The following NRXN1 variants were observed in gnomAD, a reference collection of about 807,000 sequenced individuals.
The protein encoded by NRXN1 is neurexin 1.
In NRXN1, 39 loss-of-function variants were observed where a neutral mutation model predicts 150.9. That is an observed-to-expected ratio of 0.26 (90% CI 0.20 to 0.34). The LOEUF is 0.34. NRXN1 is among the 10% of genes least tolerant of loss of function. The pLI, the probability that NRXN1 is intolerant of heterozygous loss-of-function variation, is 1.00. For synonymous variants in NRXN1, 924 were observed against 757.0 expected (o/e 1.22, Z -3.62); for missense variants, 1,815 against 1,949.9 (o/e 0.93, Z 1.30).
chr2:50,342,123 C>T (rs2077592100), intron 17 of NRXN1, among the ~76,000 whole-genome samples: 2 of 152,182 alleles, frequency 1.3e-5, no homozygotes, highest in African/African-American at 4.8e-5. Context: ...AATACAAACA[C>T]ATGCTCATAG....
intron 5 of NRXN1, among the ~76,000 whole-genome samples, chr2:50,803,300 ATGT>A (rs990831181): frequency 3.3e-5 from 5 of 152,306 alleles, no homozygotes; most frequent in East Asian, 1.9e-4. Flanking sequence ...TTTTCAGAAA[ATGT>A]TGTTGATATA....
chr2:50,389,612 C>G, intron 17 of NRXN1, among the ~76,000 whole-genome samples: 1 of 151,990 alleles, frequency 6.6e-6, no homozygotes, highest in Admixed American at 6.6e-5. Context: ...TTATTTCTTT[C>G]AGTTCCCAAA....
At chr2:50,327,159 A>G (rs1020028292) in intron 17 of NRXN1, among the ~76,000 whole-genome samples, 2 of 152,260 alleles carry the variant, frequency 1.3e-5, no homozygotes, top group Non-Finnish European at 2.9e-5. Context: ...CCACATGAGA[A>G]TAAATAATCA....
chr2:49,924,911 C>A (rs758348634), intron 22 of NRXN1, among the ~76,000 whole-genome samples: 60 of 152,246 alleles, frequency 3.9e-4, no homozygotes, highest in Non-Finnish European at 6.6e-4. Flanking sequence ...CAATATCTAA[C>A]TGATTAATTA....
chr2:50,671,813 T>A (rs1688894389), intron 5 of NRXN1, among the ~76,000 whole-genome samples: 1 of 152,002 alleles, frequency 6.6e-6, no homozygotes, highest in South Asian at 2.1e-4. Flanking sequence ...AAGTATATAA[T>A]AGTTGTAACT....
chr2:50,354,568 T>TAC (rs1311173993), intron 17 of NRXN1, among the ~76,000 whole-genome samples: 7 of 141,780 alleles, frequency 4.9e-5, no homozygotes, highest in Non-Finnish European at 1.1e-4. Flanking sequence ...TATATATATA[T>TAC]ATATATATAT....
intron 2 of NRXN1, among the ~76,000 whole-genome samples, chr2:50,978,271 CATATATAT>C (rs10671122): frequency 0.24 from 22,651 of 94,910 alleles, 2,997 homozygotes; most frequent in East Asian, 0.31. Flanking sequence ...GGATATTATA[CATATATAT>C]ATATATATAT....
At chr2:51,004,289 A>C (rs1700431588) in intron 2 of NRXN1, among the ~76,000 whole-genome samples, 1 of 151,996 alleles carries the variant, frequency 6.6e-6, no homozygotes, top group Non-Finnish European at 1.5e-5. Context: ...AAATGTGCAG[A>C]GCCTAAAACA....
At chr2:50,163,340 A>G (rs78707398) in intron 18 of NRXN1, among the ~76,000 whole-genome samples, 2,111 of 152,134 alleles carry the variant, frequency 0.014, 21 homozygotes, top group Middle Eastern at 0.031. Context: ...CAAGACTAGA[A>G]TCAAACTTTC....
intron 12 of NRXN1, among the ~76,000 whole-genome samples, chr2:50,509,935 G>T (rs183241678): frequency 1.3e-5 from 2 of 152,196 alleles, no homozygotes; most frequent in Admixed American, 6.5e-5. Context: ...ATGGGATAGG[G>T]CCCTCACAAG....
At chr2:50,280,359 A>G (rs1231723643) in intron 17 of NRXN1, among the ~76,000 whole-genome samples, 1 of 152,084 alleles carries the variant, frequency 6.6e-6, no homozygotes, top group Non-Finnish European at 1.5e-5. Flanking sequence ...ATGATTATTA[A>G]TAAGATTGTT....
At chr2:50,547,212 A>T (rs2093514218) in intron 9 of NRXN1, among the ~76,000 whole-genome samples, 1 of 152,164 alleles carries the variant, frequency 6.6e-6, no homozygotes, top group Admixed American at 6.6e-5. Flanking sequence ...CCGCTGACAC[A>T]ATCAGCTGTA....
chr2:50,669,659 C>T (rs1688557163), intron 5 of NRXN1, among the ~76,000 whole-genome samples: 1 of 151,524 alleles, frequency 6.6e-6, no homozygotes, highest in African/African-American at 2.4e-5. Context: ...TTTTTATTCC[C>T]ATCCATCATT....
intron 12 of NRXN1, among the ~76,000 whole-genome samples, chr2:50,512,424 C>G (rs1464026658): frequency 1.4e-5 from 2 of 146,164 alleles, no homozygotes; most frequent in Admixed American, 6.6e-5. Context: ...AATTATGTTA[C>G]AACTATTTTT....
chr2:50,023,137 T>C (rs1447345285), intron 21 of NRXN1: 2 of 152,168 alleles, frequency 1.3e-5, no homozygotes, highest in Non-Finnish European at 2.9e-5. Flanking sequence ...CTCCATAATA[T>C]ACTGGAACCC....
chr2:50,912,036 C>A (rs1001585241), intron 5 of NRXN1, among the ~76,000 whole-genome samples: 1 of 151,700 alleles, frequency 6.6e-6, no homozygotes, highest in Non-Finnish European at 1.5e-5. Flanking sequence ...CAAAAAAAGT[C>A]TTTCAATGCA....
chr2:50,544,557 T>G (rs1478386790), intron 9 of NRXN1, among the ~76,000 whole-genome samples: 1 of 152,096 alleles, frequency 6.6e-6, no homozygotes, highest in African/African-American at 2.4e-5. Context: ...AATCAATATA[T>G]GAAAACAGAA....
intron 5 of NRXN1, among the ~76,000 whole-genome samples, chr2:50,806,458 G>A (rs181556025): frequency 6.6e-6 from 1 of 152,046 alleles, no homozygotes; most frequent in East Asian, 1.9e-4. Flanking sequence ...TTGTCGTATT[G>A]TTATTTTACT....
chr2:50,485,518 C>T (rs1023351005), intron 15 of NRXN1, among the ~76,000 whole-genome samples: 31 of 152,118 alleles, frequency 2.0e-4, no homozygotes, highest in Admixed American at 2.0e-4. Flanking sequence ...GCACCCGACA[C>T]GCTGAGAAAA....
Sources: gnomAD v4.1 joint callset for allele counts (sites outside exome capture counted in the v4.1 genomes callset) on GRCh38, gnomAD v4.1.1 for gene constraint, MANE v1.5 for transcripts, NCBI Gene and HGNC (gene_info 2026-07-23, HGNC 2026-07-21) for gene names.